Variants in PPL observed in about 807,000 individuals in gnomAD.
The protein encoded by PPL is periplakin, also known as 190 kDa paraneoplastic pemphigus antigen.
In PPL, 198 loss-of-function variants were observed where a neutral mutation model predicts 194.4. The observed-to-expected ratio is 1.02, with a 90% CI of 0.91 to 1.15. PPL has a LOEUF of 1.15. PPL is among the 50% of genes most tolerant of loss of function. The pLI, the probability that PPL is intolerant of heterozygous loss-of-function variation, is 0.00. For synonymous variants in PPL, 1,220 were observed against 972.4 expected (o/e 1.25, Z -4.74); for missense variants, 2,885 against 2,294.8 (o/e 1.26, Z -5.25).
In PPL at chr16:4,895,698, C is replaced by T; in HGVS notation, c.991G>A (p.Asp331Asn). The T allele has an allele frequency of 6.2e-7, 1 of 1,613,942 alleles. No individual in the cohort carries two copies. The highest frequency in any genetic ancestry group is 8.5e-7 in the Non-Finnish European group (1 of 1,180,026). The stretch of plus-strand genomic sequence containing the variant: ...ACCTTGCGCAGCAGCTCCTGAGCGT[C>T]CTTCACGTCTTCGTGAAACTAGGGG... ...DYHQFHEDVK[D>N]AQELLRKVDS... The change falls in exon 10 of 22, where the codon GAC (aspartate) becomes AAC (asparagine). Residue 331 changes from aspartate (D) to asparagine (N), a missense_variant. By Grantham distance (23) the Asp-to-Asn change is conservative. Coordinates refer to ENST00000345988, the MANE Select transcript of PPL (RefSeq NM_002705.5).
rs780252828 is a variant in PPL at position 4,885,769 on chromosome 16, G to A, written c.2886C>T (p.His962=). 3 of 1,611,612 alleles carry A rather than the reference G, an allele frequency of 1.9e-6. No homozygotes were observed. Among genetic ancestry groups the A allele is most frequent in the Non-Finnish European group, 2.5e-6 (3 of 1,179,962 alleles). ...GCTCCTCCTGCAGCAGCTGGTTCTT[G>A]TGCTGCTCCTCTGCCAGCGTCCGCT... is the stretch of plus-strand genomic sequence containing the variant. ...QLQRTLAEEQ[H]KNQLLQEELE... Residue 962 remains histidine, a synonymous_variant, in exon 22 of 22, where the codon CAC becomes CAT. Transcript: ENST00000345988. The surrounding 1 kb of genome is among the most constrained non-coding windows in gnomAD (Gnocchi z 6.3).
Position 4,885,844 on chromosome 16 carries a change from C to T in PPL, c.2811G>A (p.Val937=), listed in dbSNP as rs771710611. The T allele has an allele frequency of 1.9e-6, 3 of 1,607,780 alleles. No individual in the cohort carries two copies. The highest frequency in any genetic ancestry group is 2.5e-6 in the Non-Finnish European group (3 of 1,180,000). ...GPQESVVRKE[V]LKKVPDPVLE... ...GCACGGGATCCGGCACCTTCTTGAG[C>T]ACCTCCTTCCTCACCACCGATTCCT... Residue 937 remains valine (V), a synonymous_variant, in exon 22 of 22, where the codon GTG becomes GTA. Coordinates refer to ENST00000345988, the MANE Select transcript of PPL (RefSeq NM_002705.5). This position sits in a 1 kb window ranked among gnomAD's most constrained non-coding sequence, Gnocchi z 6.3.
At chr16:4,895,216 CA>C in intron 11 of PPL, 44 bp downstream of exon 11, 2 of 1,540,948 alleles carry the variant, frequency 1.3e-6, no homozygotes, top group East Asian at 2.3e-5. Flanking sequence ...CATGTTACCC[CA>C]AAAACTTTGT....
rs1254671632 is a variant in PPL, at chr16:4,885,981, C to A, written c.2674G>T (p.Ala892Ser). The part of the protein sequence containing the change: ...RNRPDSGVEE[A>S]WKIRKELDEE... ...TCCAGTTCCTTCCTGATCTTCCACGCCTCCTCCACTCCAGAGTCCGGCCTA... is the reference window on the plus strand; with the variant it reads ...TCCAGTTCCTTCCTGATCTTCCACGACTCCTCCACTCCAGAGTCCGGCCTA... The change falls in exon 22 of 22, where the codon GCG becomes TCG. Residue 892 changes from alanine (A) to serine (S), a missense_variant. Coordinates refer to ENST00000345988, the MANE Select transcript of PPL (RefSeq NM_002705.5). The surrounding 1 kb of genome is among the most constrained non-coding windows in gnomAD (Gnocchi z 6.3). 27 of 1,613,270 alleles carry A rather than the reference C, an allele frequency of 1.7e-5. No individual in the cohort carries two copies. The highest frequency in any genetic ancestry group is 2.1e-5 in the Non-Finnish European group (25 of 1,180,000).
chr16:4,902,017 C>A lies in PPL; in HGVS notation c.438+389G>T, dbSNP rs569016752. Among the ~76,000 whole-genome samples, 2 of 152,316 alleles carry A rather than the reference C, an allele frequency of 1.3e-5. No individual in the cohort carries two copies. Among genetic ancestry groups the A allele is most frequent in the East Asian group, 3.9e-4 (2 of 5,180 alleles). On this transcript the variant is annotated intron_variant, in intron 4 of 21. Coordinates refer to ENST00000345988, the MANE Select transcript of PPL (RefSeq NM_002705.5). The surrounding 1 kb of genome is among the most constrained non-coding windows in gnomAD (Gnocchi z 4.0). ...TAAGGCTTGAACCCGGGACACCTAGCTGCAGTGGCTGTGTGCTTCTCTGTG... is the reference window on the plus strand; with the variant it reads ...TAAGGCTTGAACCCGGGACACCTAGATGCAGTGGCTGTGTGCTTCTCTGTG...
intron 1 of PPL, among the ~76,000 whole-genome samples, chr16:4,935,518 G>A (rs748366239): frequency 2.6e-5 from 4 of 152,222 alleles, no homozygotes; most frequent in Admixed American, 1.3e-4. Flanking sequence ...CCAGCTGGAC[G>A]CAGCCATGGA....
chr16:4,936,474 C>A (rs887751905), intron 1 of PPL, among the ~76,000 whole-genome samples: 2 of 152,196 alleles, frequency 1.3e-5, no homozygotes, highest in African/African-American at 4.8e-5. Context: ...GGAACACTTG[C>A]GCGGTCTCAG....
At chr16:4,936,528 C>G (rs925570563) in intron 1 of PPL, among the ~76,000 whole-genome samples, 28 of 152,212 alleles carry the variant, frequency 1.8e-4, no homozygotes, top group African/African-American at 6.5e-4. Context: ...GTTTCCCTGC[C>G]TCAGGGCGCC....
At chr16:4,893,457 C>A in intron 13 of PPL, 84 bp downstream of exon 13, 1 of 1,588,564 alleles carries the variant, frequency 6.3e-7, no homozygotes. Flanking sequence ...CAGCCCCCCG[C>A]CGTCTCATCC....
At chr16:4,897,599 T>G in intron 9 of PPL, 76 bp downstream of exon 9, 1 of 1,187,502 alleles carries the variant, frequency 8.4e-7, no homozygotes, top group Non-Finnish European at 1.2e-6. Context: ...AGGCCACACA[T>G]GAGCCAGGTA....
Position 4,904,015 on chromosome 16 carries a change from C to T in PPL, c.188G>A (p.Arg63Gln), listed in dbSNP as rs961039974. Reference protein sequence around the residue: ...QSDLARLQEGRQPEHRDVTLQ... With the variant: ...QSDLARLQEGQQPEHRDVTLQ... ...GGTCACGTCCCGGTGCTCAGGCTGC[C>T]GACCCTCCTGCAGCCGAGCCAGGTC... Residue 63 changes from arginine (R) to glutamine (Q), a missense_variant, in exon 3 of 22, where the codon CGG becomes CAG. Coordinates refer to ENST00000345988, the MANE Select transcript of PPL (RefSeq NM_002705.5). 4.3e-6 allele frequency: 7 copies of T among 1,612,686 alleles called. No homozygotes were observed. The highest frequency in any genetic ancestry group is 2.2e-5 in the South Asian group (2 of 91,044).
Position 4,883,267 on chromosome 16 carries a change from G to T in PPL, c.*117C>A, listed in dbSNP as rs1019263524. The T allele has an allele frequency of 7.1e-7, 1 of 1,404,500 alleles. No individual in the cohort carries two copies. Among genetic ancestry groups the T allele is most frequent in the Non-Finnish European group, 9.8e-7 (1 of 1,023,394 alleles). The allele number at this position is 1,404,500 out of a possible 1,614,324, so 87.0% of individuals were successfully genotyped here. A position where few individuals can be genotyped will look rare whatever the true frequency, so the allele number is the denominator to read the frequency against. ...GGACTCTGAGCAGCCTGGCAGCGAG[G>T]GTATGTATAAAATGCTTGGCCTGCA... On this transcript the variant is annotated 3_prime_UTR_variant, in exon 22 of 22. Coordinates refer to ENST00000345988, the MANE Select transcript of PPL (RefSeq NM_002705.5). The surrounding 1 kb of genome is among the most constrained non-coding windows in gnomAD (Gnocchi z 4.8).
chr16:4,925,104 T>C (rs1039748838), intron 1 of PPL, among the ~76,000 whole-genome samples: 4 of 152,160 alleles, frequency 2.6e-5, no homozygotes, highest in Non-Finnish European at 4.4e-5. Flanking sequence ...TGGGGTTGCA[T>C]TGCTGCTGGA....
intron 2 of PPL, among the ~76,000 whole-genome samples, chr16:4,907,743 A>G (rs1193911194): frequency 1.3e-5 from 2 of 152,200 alleles, no homozygotes; most frequent in Non-Finnish European, 2.9e-5. Flanking sequence ...GGAAAATTCA[A>G]CAGAACTGGG....
rs1335260229 is a variant in PPL at position 4,883,552 on chromosome 16, C to G, written c.5103G>C (p.Lys1701Asn). The G allele has an allele frequency of 1.2e-6, 2 of 1,614,182 alleles. No individual in the cohort carries two copies. The highest frequency in any genetic ancestry group is 1.7e-6 in the Non-Finnish European group (2 of 1,180,014). ...TCACTGAGGACTCCCCATTGGGACC[C>G]TTCACTGAGATCTCCTCCCAGTCGC... ...QECDWEEISV[K>N]GPNGESSVIH... The change falls in exon 22 of 22, where the codon AAG (lysine) becomes AAC (asparagine). Residue 1701 changes from lysine (K) to asparagine (N), a missense_variant. Lys to Asn is a moderately conservative substitution (Grantham distance 94, BLOSUM62 0). Coordinates refer to ENST00000345988, the MANE Select transcript of PPL (RefSeq NM_002705.5). The surrounding 1 kb of genome is among the most constrained non-coding windows in gnomAD (Gnocchi z 4.8).
chr16:4,894,108 A>C (rs1656266488), intron 12 of PPL, among the ~76,000 whole-genome samples: 1 of 152,186 alleles, frequency 6.6e-6, no homozygotes, highest in South Asian at 2.1e-4. Flanking sequence ...GTGCAGTGGA[A>C]GAAGGTGCCT....
rs755778483 is a variant in PPL, at chr16:4,885,108, TG to T, written c.3546del (p.Lys1183ArgfsTer49). On this transcript the variant is annotated frameshift_variant, in exon 22 of 22. Transcript: ENST00000345988. LOFTEE classifies it high-confidence loss of function. This position sits in a 1 kb window ranked among gnomAD's most constrained non-coding sequence, Gnocchi z 6.3. ...AGGTTCGCCACTTCACTTTCCGCCT[TG>T]GGGTCTGGCCGCACGATCTCCCGCA... ...EKVREIVRPD[P>X]KAESEVANLR... is the part of the protein sequence containing the mutation. 11 of 1,613,794 alleles carry T rather than the reference TG, an allele frequency of 6.8e-6. No homozygotes were observed. Among genetic ancestry groups the T allele is most frequent in the Non-Finnish European group, 8.5e-6 (10 of 1,180,016 alleles).
intron 1 of PPL, among the ~76,000 whole-genome samples, chr16:4,911,846 T>C (rs375197119): frequency 6.2e-4 from 94 of 152,142 alleles, no homozygotes; most frequent in African/African-American, 2.1e-3. Flanking sequence ...ACTACATATT[T>C]TTTTGTGAGA....
At chr16:4,905,934 A>G (rs2142375123) in intron 2 of PPL, among the ~76,000 whole-genome samples, 1 of 152,282 alleles carries the variant, frequency 6.6e-6, no homozygotes, top group East Asian at 1.9e-4. Context: ...GTGAGACCCC[A>G]TTTATTAAAA....
Sources: allele counts gnomAD v4.1 joint callset (sites outside exome capture counted in the v4.1 genomes callset), GRCh38; gene constraint gnomAD v4.1.1; non-coding constraint Gnocchi (gnomAD v3.1); transcripts MANE v1.5; gene names NCBI Gene and HGNC (gene_info 2026-07-23, HGNC 2026-07-21).